MRPL21: variants seen among roughly 807,000 people sequenced by gnomAD.
The protein encoded by MRPL21 is large ribosomal subunit protein bL21m.
Under a neutral mutation model 27.3 loss-of-function variants are expected in MRPL21, and 20 were observed. That is an observed-to-expected ratio of 0.73 (90% CI 0.52 to 1.06). The LOEUF is 1.06. Among genes scored for constraint, MRPL21 ranks in the 50% least tolerant of loss-of-function variants. MRPL21 has a pLI of 0.00. For synonymous variants in MRPL21, 98 were observed against 101.5 expected (o/e 0.97, Z 0.21); for missense variants, 249 against 251.4 (o/e 0.99, Z 0.06).
At chr11:68,896,885 C>T (rs1857805280) in intron 3 of MRPL21, 2 of 613,086 alleles carry the variant, frequency 3.3e-6, no homozygotes, top group African/African-American at 3.7e-5. Context: ...GCTTCAGGAG[C>T]ACCAGCACTG....
chr11:68,897,716 G>A (rs1191910571), intron 3 of MRPL21: 1 of 580,378 alleles, frequency 1.7e-6, no homozygotes, highest in African/African-American at 1.9e-5. Flanking sequence ...CCTGCCTGCA[G>A]TGTGGCAGGT....
At chr11:68,901,418 A>G (rs1472363211) in intron 1 of MRPL21, among the ~76,000 whole-genome samples, 1 of 152,258 alleles carries the variant, frequency 6.6e-6, no homozygotes, top group Non-Finnish European at 1.5e-5. Flanking sequence ...ACCAGGAAAC[A>G]AAGACATTCA....
Position 68,893,402 on chromosome 11 carries a change from C to A in MRPL21, c.449+1G>T, listed in dbSNP as rs749342661. On this transcript the variant is annotated splice_donor_variant, in intron 5 of 6. Coordinates refer to ENST00000362034, the MANE Select transcript of MRPL21 (RefSeq NM_181514.2). LOFTEE classifies it high-confidence loss of function. ...AAAGCCCAGCACTTCACAGCCATTA[C>A]CCGAGGAGTGGCTTGCCAAGCAGCG... The A allele has an allele frequency of 9.3e-6, 15 of 1,614,212 alleles. No individual in the cohort carries two copies. The highest frequency in any genetic ancestry group is 1.1e-5 in the Non-Finnish European group (13 of 1,180,046).
chr11:68,900,453 T>C, intron 2 of MRPL21, 95 bp downstream of exon 2: 1 of 1,129,662 alleles, frequency 8.9e-7, no homozygotes, highest in South Asian at 1.4e-5. Context: ...AATTTAAATA[T>C]TATTGAGAAC....
intron 1 of MRPL21, among the ~76,000 whole-genome samples, chr11:68,902,657 T>C (rs760271980): frequency 4.5e-4 from 68 of 152,356 alleles, no homozygotes; most frequent in Admixed American, 9.1e-4. Context: ...ATCATTGTTA[T>C]CCAAAGTCCA....
At position 68,893,509 on chromosome 11, in the gene MRPL21, C is replaced by G. The variant is rs367926470; in HGVS notation, c.397-54G>C. 8.1e-6 allele frequency: 13 copies of G among 1,610,368 alleles called. No homozygotes were observed. In the Admixed American group the frequency reaches 1.0e-4, roughly 12 times the overall value. On this transcript the variant is annotated intron_variant, in intron 4 of 6. Transcript: ENST00000362034. ...AGTGGCTCATTACGATGAGTAAGAA[C>G]AGTTGCTAATAACAGGTAGTGATGT...
chr11:68,894,214 A>G (rs1476214734), intron 4 of MRPL21, among the ~76,000 whole-genome samples: 2 of 152,174 alleles, frequency 1.3e-5, no homozygotes, highest in African/African-American at 2.4e-5. Flanking sequence ...ACCATTCTCA[A>G]TGCCGGGAAA....
chr11:68,896,377 C>T, intron 4 of MRPL21, 138 bp downstream of exon 4: 4 of 1,157,014 alleles, frequency 3.5e-6, no homozygotes, highest in Non-Finnish European at 4.9e-6. Context: ...CCCCCAAAGT[C>T]CCTTCTGAGC....
At chr11:68,898,474 C>T (rs146289630) in intron 2 of MRPL21, among the ~76,000 whole-genome samples, 1 of 152,352 alleles carries the variant, frequency 6.6e-6, no homozygotes, top group African/African-American at 2.4e-5. Flanking sequence ...TCAAACAGGA[C>T]CATGACGTTC....
In MRPL21 at chr11:68,899,989, G is replaced by C. The variant is rs529572629; in HGVS notation, c.146+559C>G. ...TGAGGGGCAGCCGGAACTGCACCCC[G>C]GGGGGGTCCCTACAGTAACTGCTAT... On this transcript the variant is annotated intron_variant, in intron 2 of 6. Transcript: ENST00000362034. Among the ~76,000 whole-genome samples the C allele has an allele frequency of 4.3e-4, 65 of 151,258 alleles. No homozygotes were observed. The East Asian group carries it at 0.011, about 26-fold the overall frequency.
chr11:68,903,580 C>T (rs902920067), intron 1 of MRPL21, 143 bp downstream of exon 1: 1 of 820,976 alleles, frequency 1.2e-6, no homozygotes, highest in Non-Finnish European at 2.0e-6. Context: ...CTGGGTTCCC[C>T]CGACTCCAAA....
chr11:68,891,952 TGCA>T, intron 6 of MRPL21: 1 of 683,954 alleles, frequency 1.5e-6, no homozygotes, highest in Non-Finnish European at 2.2e-6. Flanking sequence ...ATGTCCTCAG[TGCA>T]GACCTGCTAG....
At chr11:68,898,767 A>G (rs2154005898) in intron 2 of MRPL21, among the ~76,000 whole-genome samples, 1 of 151,896 alleles carries the variant, frequency 6.6e-6, no homozygotes, top group East Asian at 1.9e-4. Context: ...CCCCACCCTC[A>G]GGATGCCAAG....
At position 68,896,662 on chromosome 11, in the gene MRPL21, C is replaced by T. The variant is rs776607546; in HGVS notation, c.249G>A (p.Val83=). 10 of 1,614,084 alleles carry T rather than the reference C, an allele frequency of 6.2e-6. No homozygotes were observed. The South Asian group carries it at 7.7e-5, about 12-fold the overall frequency. The change falls in exon 4 of 7, where the codon GTG becomes GTA. Residue 83 remains valine (V), a synonymous_variant. Coordinates refer to ENST00000362034, the MANE Select transcript of MRPL21 (RefSeq NM_181514.2). ...TRHHAEVVKK[V]NEMIVTGQYG... is the part of the protein sequence containing the mutation. ...ACTGCCCCGTGACGATCATCTCATTCACCTTCTTCACGACCTCTGCAGGGG... is the reference window on the plus strand; with the variant it reads ...ACTGCCCCGTGACGATCATCTCATTTACCTTCTTCACGACCTCTGCAGGGG...
chr11:68,892,873 T>C lies in MRPL21; in HGVS notation c.553+17A>G. On this transcript the variant is annotated intron_variant, in intron 6 of 6. Coordinates refer to ENST00000362034, the MANE Select transcript of MRPL21 (RefSeq NM_181514.2). ...AGCACCGTGCAACAGGGCCCAGCGG[T>C]ACTTTCTCTAACTTACTTCTTTTCT... is the stretch of plus-strand genomic sequence containing the variant. 1.9e-6 allele frequency: 3 copies of C among 1,606,732 alleles called. No homozygotes were observed. The South Asian group carries it at 3.3e-5, about 18-fold the overall frequency.
Position 68,897,006 on chromosome 11 carries a change from C to A in MRPL21, c.233-328G>T, listed in dbSNP as rs143381710. Reference sequence around the variant, plus strand: ...CTCGGCACGCCTGGCTAGGTTTCTACAACTCTAGGGTGGGCGAAACCCTCC... The same window carrying A: ...CTCGGCACGCCTGGCTAGGTTTCTAAAACTCTAGGGTGGGCGAAACCCTCC... On this transcript the variant is annotated intron_variant, in intron 3 of 6. Transcript: ENST00000362034. Among the ~76,000 whole-genome samples, 841 of 152,332 alleles carry A rather than the reference C, an allele frequency of 5.5e-3. 6 individuals carry two copies. The highest frequency in any genetic ancestry group is 9.0e-3 in the Admixed American group (137 of 15,306).
At chr11:68,896,732 C>T in intron 3 of MRPL21, 54 bp from the exon 4 acceptor site, 1 of 1,604,848 alleles carries the variant, frequency 6.2e-7, no homozygotes, top group Non-Finnish European at 8.5e-7. Flanking sequence ...CCCCCACGCG[C>T]TGCAGTGTGA....
At chr11:68,896,944 C>T (rs548958099) in intron 3 of MRPL21, 14 of 524,142 alleles carry the variant, frequency 2.7e-5, no homozygotes, top group African/African-American at 9.5e-5. Flanking sequence ...CTGCAGAGAA[C>T]GCCCAAACCG....
intron 6 of MRPL21, chr11:68,891,976 C>T: frequency 4.7e-6 from 4 of 842,490 alleles, no homozygotes; most frequent in Non-Finnish European, 3.3e-6. Flanking sequence ...GACAGCCCTA[C>T]ACCTGCTTGC....
Sources: gnomAD v4.1 joint callset for allele counts (sites outside exome capture counted in the v4.1 genomes callset) on GRCh38, gnomAD v4.1.1 for gene constraint, MANE v1.5 for transcripts, NCBI Gene and HGNC (gene_info 2026-07-23, HGNC 2026-07-21) for gene names.